The following PLCB1 variants were observed in gnomAD, a reference collection of about 807,000 sequenced individuals.
PLCB1 encodes the protein phospholipase C beta 1, also known as 1-phosphatidylinositol 4,5-bisphosphate phosphodiesterase beta-1.
A neutral mutation model predicts 161.8 loss-of-function variants in PLCB1; 46 were observed. That is an observed-to-expected ratio of 0.28 (90% CI 0.22 to 0.36). The LOEUF is 0.36. Among genes scored for constraint, PLCB1 ranks in the 10% least tolerant of loss-of-function variants. The probability of loss-of-function intolerance (pLI) is 1.00; values close to 1 mark genes in which losing one functional copy is unlikely to be tolerated. For synonymous variants in PLCB1, 517 were observed against 503.7 expected, an observed-to-expected ratio of 1.03 and a Z score of -0.35; for missense variants, 1,016 against 1,472.5, an observed-to-expected ratio of 0.69 and a Z score of 5.07.
At chr20:8,604,090 T>G in intron 3 of PLCB1, among the ~76,000 whole-genome samples, 1 of 151,908 alleles carries the variant, frequency 6.6e-6, no homozygotes, top group East Asian at 1.9e-4. Context: ...CTGTCTCTAT[T>G]GAAAACACAA....
Position 8,497,515 on chromosome 20 carries a change from C to G in PLCB1, c.246+126065C>G, listed in dbSNP as rs369772191. Among the ~76,000 whole-genome samples, 61 of 152,194 alleles carry G rather than the reference C, an allele frequency of 4.0e-4. 1 individual carries two copies. The highest frequency in any genetic ancestry group is 1.3e-3 in the African/African-American group (56 of 41,538). ...TCTCATCCTTGGCACTTTCTAAAAA[C>G]CAGACAAATATTTTTTAGTTTGTGA... On this transcript the variant is annotated intron_variant, in intron 3 of 31. Transcript: ENST00000338037.
At chr20:8,779,658 A>G (rs184950701) in intron 27 of PLCB1, among the ~76,000 whole-genome samples, 70 of 152,262 alleles carry the variant, frequency 4.6e-4, no homozygotes, top group Admixed American at 2.8e-3. Context: ...GCCCCACTTC[A>G]GACCTGCTAA....
intron 2 of PLCB1, among the ~76,000 whole-genome samples, chr20:8,249,093 G>A (rs946829652): frequency 4.0e-5 from 6 of 151,854 alleles, no homozygotes; most frequent in African/African-American, 1.4e-4. Context: ...GACTTGCATG[G>A]ATATTTCTGA....
intron 31 of PLCB1, among the ~76,000 whole-genome samples, chr20:8,834,555 C>T (rs6056192): frequency 0.28 from 42,482 of 151,892 alleles, 6,212 homozygotes; most frequent in Middle Eastern, 0.41. Context: ...TGGCTCACAC[C>T]TGTAATCCCA....
intron 3 of PLCB1, among the ~76,000 whole-genome samples, chr20:8,460,531 A>C (rs2122683301): frequency 6.6e-6 from 1 of 152,332 alleles, no homozygotes; most frequent in Non-Finnish European, 1.5e-5. Flanking sequence ...TCTGTCCAAA[A>C]GTTTTGTTTC....
intron 2 of PLCB1, among the ~76,000 whole-genome samples, chr20:8,329,401 C>T (rs530678176): frequency 5.5e-4 from 84 of 151,954 alleles, no homozygotes; most frequent in African/African-American, 2.0e-3. Flanking sequence ...GATCCACCTG[C>T]CTCGGCCTCC....
intron 2 of PLCB1, among the ~76,000 whole-genome samples, chr20:8,208,905 C>T (rs567235943): frequency 1.8e-4 from 28 of 152,154 alleles, no homozygotes; most frequent in Non-Finnish European, 3.8e-4. Context: ...AAATAGAAAG[C>T]GGAAGAAATT....
intron 4 of PLCB1, among the ~76,000 whole-genome samples, chr20:8,630,213 A>G (rs959392950): frequency 6.6e-6 from 1 of 151,202 alleles, no homozygotes; most frequent in African/African-American, 2.4e-5. Context: ...CAGCCTGCCG[A>G]ATAGCTGGGA....
intron 3 of PLCB1, among the ~76,000 whole-genome samples, chr20:8,621,203 G>T (rs972148034): frequency 2.0e-5 from 3 of 152,122 alleles, no homozygotes; most frequent in African/African-American, 7.2e-5. Context: ...AGGCACATAG[G>T]ATCCTAATTG....
At chr20:8,691,661 G>A (rs1990482006) in intron 10 of PLCB1, among the ~76,000 whole-genome samples, 1 of 151,950 alleles carries the variant, frequency 6.6e-6, no homozygotes, top group African/African-American at 2.4e-5. Context: ...GCATCCAAAG[G>A]GACTGTAAAA....
chr20:8,829,939 G>A (rs959480377), intron 31 of PLCB1, among the ~76,000 whole-genome samples: 3 of 152,170 alleles, frequency 2.0e-5, no homozygotes, highest in South Asian at 2.1e-4. Context: ...AAAATATTAC[G>A]AAGCCAACCT....
At chr20:8,401,961 A>C (rs1978572579) in intron 3 of PLCB1, among the ~76,000 whole-genome samples, 1 of 152,178 alleles carries the variant, frequency 6.6e-6, no homozygotes, top group Admixed American at 6.5e-5. Flanking sequence ...GTCATCTAAC[A>C]TTACTTATTG....
chr20:8,171,227 T>C (rs569380659), intron 2 of PLCB1, among the ~76,000 whole-genome samples: 5 of 152,150 alleles, frequency 3.3e-5, no homozygotes, highest in African/African-American at 9.7e-5. Context: ...ACATAAAATA[T>C]ATAAGCATGT....
chr20:8,399,028 CAGTT>C (rs1190821937), intron 3 of PLCB1, among the ~76,000 whole-genome samples: 13 of 150,214 alleles, frequency 8.7e-5, no homozygotes, highest in Admixed American at 7.3e-4. Context: ...ATTTGAGTCA[CAGTT>C]AGTAAGTCTT....
At chr20:8,530,467 A>G (rs1694486175) in intron 3 of PLCB1, among the ~76,000 whole-genome samples, 1 of 152,080 alleles carries the variant, frequency 6.6e-6, no homozygotes, top group Non-Finnish European at 1.5e-5. Context: ...GTTTAGAAGT[A>G]TGTTTTTGTA....
chr20:8,834,507 G>A (rs180927619), intron 31 of PLCB1, among the ~76,000 whole-genome samples: 1 of 152,232 alleles, frequency 6.6e-6, no homozygotes, highest in East Asian at 1.9e-4. Flanking sequence ...AGATGTCCCA[G>A]TTTGAGTTCA....
chr20:8,178,925 C>T (rs7269110), intron 2 of PLCB1, among the ~76,000 whole-genome samples: 1,639 of 152,182 alleles, frequency 0.011, 37 homozygotes, highest in African/African-American at 0.037. Context: ...TCGACTGTGT[C>T]GAAGGTCATA....
chr20:8,352,603 T>C (rs1986216429), intron 2 of PLCB1, among the ~76,000 whole-genome samples: 1 of 152,094 alleles, frequency 6.6e-6, no homozygotes, highest in African/African-American at 2.4e-5. Context: ...ATAATATCTA[T>C]ATTATAAATA....
intron 31 of PLCB1, among the ~76,000 whole-genome samples, chr20:8,839,366 CT>C (rs1986409440): frequency 6.6e-6 from 1 of 152,152 alleles, no homozygotes; most frequent in Non-Finnish European, 1.5e-5. Context: ...GTTACTCCCA[CT>C]CATTTATTTA....
Sources: gnomAD v4.1 joint callset for allele counts (sites outside exome capture counted in the v4.1 genomes callset) on GRCh38, gnomAD v4.1.1 for gene constraint, MANE v1.5 for transcripts, NCBI Gene and HGNC (gene_info 2026-07-23, HGNC 2026-07-21) for gene names.